Variants in PRRT3 observed in about 807,000 individuals in gnomAD.
PRRT3 encodes the protein proline rich transmembrane protein 3, also known as proline-rich transmembrane protein 3.
A neutral mutation model predicts 56.6 loss-of-function variants in PRRT3; 48 were observed. That is an observed-to-expected ratio of 0.85 (90% CI 0.67 to 1.08). The LOEUF (loss-of-function observed/expected upper bound fraction) is 1.08. PRRT3 is among the 50% of genes least tolerant of loss of function. The pLI, the probability that PRRT3 is intolerant of heterozygous loss-of-function variation, is 0.00. For synonymous variants in PRRT3, 641 were observed against 619.1 expected (o/e 1.04, Z -0.52); for missense variants, 1,370 against 1,353.1 (o/e 1.01, Z -0.20).
rs929987969 is a variant in PRRT3, at chr3:9,952,358, T to A, written c.-94A>T. The A allele has an allele frequency of 1.3e-5, 2 of 152,170 alleles. No individual in the cohort carries two copies. Among genetic ancestry groups the A allele is most frequent in the Admixed American group, 1.3e-4 (2 of 15,276 alleles). The allele number at this position is 152,170 out of a possible 1,614,324, so 9.4% of individuals were successfully genotyped here. A position where few individuals can be genotyped will look rare whatever the true frequency, so the allele number is the denominator to read the frequency against. On this transcript the variant is annotated 5_prime_UTR_variant, in exon 1 of 4. Coordinates refer to ENST00000412055, the MANE Select transcript of PRRT3 (RefSeq NM_207351.5). Reference sequence around the variant, plus strand: ...AGCCCCCGTGTTCACCTTGCGCGCGTCCCTGCAGCCGATCGCCGCGCCGCA... The same window carrying A: ...AGCCCCCGTGTTCACCTTGCGCGCGACCCTGCAGCCGATCGCCGCGCCGCA...
In PRRT3 at chr3:9,946,247, T is replaced by C. The variant is rs531100253; in HGVS notation, c.2926A>G (p.Ser976Gly). The C allele has an allele frequency of 1.1e-4, 179 of 1,612,626 alleles. No homozygotes were observed. The East Asian group carries it at 3.3e-3, about 30-fold the overall frequency. The change falls in exon 4 of 4, where the codon AGT becomes GGT. Residue 976 changes from serine to glycine, a missense_variant. Ser to Gly is a moderately conservative substitution (Grantham distance 56). Transcript: ENST00000412055. This position sits in a 1 kb window ranked among gnomAD's most constrained non-coding sequence, Gnocchi z 4.1. ...GCTCTTCAAAGCTCGATGGTATCACTGGAGGCGCTGCGGGATTCCCCAGGC... is the reference window on the plus strand; with the variant it reads ...GCTCTTCAAAGCTCGATGGTATCACCGGAGGCGCTGCGGGATTCCCCAGGC... ...GKPGESRSAS[S>G]DTIEL
Position 9,948,486 on chromosome 3 carries a change from C to T in PRRT3, c.1171+272G>A. On this transcript the variant is annotated intron_variant, in intron 3 of 3. Transcript: ENST00000412055. ...GGACTACAGGTATGCACCACCACGC[C>T]CAACTAATTTTTATATATTTTTTTT... 5.9e-6 allele frequency: 3 copies of T among 511,530 alleles called. No individual in the cohort carries two copies. In the East Asian group the frequency reaches 9.8e-5, roughly 17 times the overall value. 31.7% of individuals were successfully genotyped at this position (511,530 alleles called of 1,614,324 possible).
rs573062280 is a variant in PRRT3 at position 9,949,026 on chromosome 3, A to G, written c.1015+75T>C. 1.3e-6 allele frequency: 2 copies of G among 1,520,038 alleles called. No individual in the cohort carries two copies. The highest frequency in any genetic ancestry group is 1.4e-5 in the African/African-American group (1 of 71,858). The allele number at this position is 1,520,038 out of a possible 1,614,324, so 94.2% of individuals were successfully genotyped here. A position where few individuals can be genotyped will look rare whatever the true frequency, so the allele number is the denominator to read the frequency against. On this transcript the variant is annotated intron_variant, in intron 2 of 3. Transcript: ENST00000412055. The surrounding 1 kb of genome is among the most constrained non-coding windows in gnomAD (Gnocchi z 4.5). ...CCACAAAGAGGAAAATGAGACCTAGAGGGACCCAGGGTCAAACAGAATTGA... is the reference window on the plus strand; with the variant it reads ...CCACAAAGAGGAAAATGAGACCTAGGGGGACCCAGGGTCAAACAGAATTGA...
Position 9,946,532 on chromosome 3 carries a change from G to A in PRRT3, c.2641C>T (p.Arg881Cys), listed in dbSNP as rs1222058094. The stretch of plus-strand genomic sequence containing the variant: ...ACTACGTGCTGTGGGACCGGCCCGC[G>A]CACGCGCACGTCGCTGAGCGACCTG... ...RCRSLSDVRVRGPVPQHVVEA... is the reference protein window; with the variant it reads ...RCRSLSDVRVCGPVPQHVVEA... The change falls in exon 4 of 4, where the codon CGC becomes TGC. Residue 881 changes from arginine (R) to cysteine (C), a missense_variant. Arg to Cys is a radical substitution (Grantham distance 180). Transcript: ENST00000412055. The surrounding 1 kb of genome is among the most constrained non-coding windows in gnomAD (Gnocchi z 4.1). 1.4e-6 allele frequency: 2 copies of A among 1,467,134 alleles called. No individual in the cohort carries two copies. The highest frequency in any genetic ancestry group is 1.5e-5 in the African/African-American group (1 of 68,214). The allele number at this position is 1,467,134 out of a possible 1,614,324, so 90.9% of individuals were successfully genotyped here. A position where few individuals can be genotyped will look rare whatever the true frequency, so the allele number is the denominator to read the frequency against.
chr3:9,951,181 G>A (rs137881660), intron 1 of PRRT3, among the ~76,000 whole-genome samples: 1,772 of 152,236 alleles, frequency 0.012, 30 homozygotes, highest in Non-Finnish European at 0.018. Context: ...GCCCCACGTG[G>A]ATATCCCCTA....
chr3:9,948,115 G>A (rs992331063), intron 3 of PRRT3, 114 bp from the exon 4 acceptor site: 4 of 1,140,954 alleles, frequency 3.5e-6, no homozygotes, highest in African/African-American at 3.2e-5. Context: ...GCAAAATGGA[G>A]ATAACAGCAC....
Position 9,946,331 on chromosome 3 carries a change from G to C in PRRT3, c.2842C>G (p.Pro948Ala). ...CCCTGCCGAGCGGCGGTAGAATCAGGGGCTGGGGTCGGGGCAGGCAGTAGC... is the reference window on the plus strand; with the variant it reads ...CCCTGCCGAGCGGCGGTAGAATCAGCGGCTGGGGTCGGGGCAGGCAGTAGC... ...VQLLPAPTPAPDSTAARQGDG... is the reference protein window; with the variant it reads ...VQLLPAPTPAADSTAARQGDG... The change falls in exon 4 of 4, where the codon CCT becomes GCT. Residue 948 changes from proline to alanine, a missense_variant. Coordinates refer to ENST00000412055, the MANE Select transcript of PRRT3 (RefSeq NM_207351.5). The surrounding 1 kb of genome is among the most constrained non-coding windows in gnomAD (Gnocchi z 4.1). The C allele has an allele frequency of 6.2e-7, 1 of 1,612,514 alleles. No individual in the cohort carries two copies. Among genetic ancestry groups the C allele is most frequent in the East Asian group, 2.2e-5 (1 of 44,836 alleles).
chr3:9,947,096 G>T lies in PRRT3; in HGVS notation c.2077C>A (p.Leu693Met). ...GCGGCAGCCACCGCGGCCAACGCCA[G>T]GGCGAGCGCCCATGTCAGCTCCAGG... is the stretch of plus-strand genomic sequence containing the variant. The part of the protein sequence containing the change: ...RLLELTWALA[L>M]ALAAVAAARP... Residue 693 changes from leucine to methionine, a missense_variant, in exon 4 of 4, where the codon CTG becomes ATG. Physicochemically the swap from Leu to Met is conservative, Grantham distance 15. Transcript: ENST00000412055. The surrounding 1 kb of genome is among the most constrained non-coding windows in gnomAD (Gnocchi z 9.2). 6.5e-7 allele frequency: 1 copy of T among 1,536,512 alleles called. No individual in the cohort carries two copies.
chr3:9,947,683 G>A lies in PRRT3; in HGVS notation c.1490C>T (p.Pro497Leu). 6.4e-7 allele frequency: 1 copy of A among 1,568,152 alleles called. No individual in the cohort carries two copies. Residue 497 changes from proline to leucine, a missense_variant, in exon 4 of 4, where the codon CCA (proline) becomes CTA (leucine). Transcript: ENST00000412055. The surrounding 1 kb of genome is among the most constrained non-coding windows in gnomAD (Gnocchi z 9.2). ...LLALAALAAA[P>L]AGPRLALVAA... is the part of the protein sequence containing the mutation. ...CACCAATGCCAGCCGGGGCCCTGCTGGGGCGGCTGCCAGCGCAGCCAGCGC... is the reference window on the plus strand; with the variant it reads ...CACCAATGCCAGCCGGGGCCCTGCTAGGGCGGCTGCCAGCGCAGCCAGCGC...
At position 9,949,213 on chromosome 3, in the gene PRRT3, G is replaced by A; in HGVS notation, c.903C>T (p.Ser301=). The A allele has an allele frequency of 6.2e-7, 1 of 1,607,936 alleles. No individual in the cohort carries two copies. The highest frequency in any genetic ancestry group is 8.5e-7 in the Non-Finnish European group (1 of 1,177,346). The change falls in exon 2 of 4, where the codon AGC becomes AGT. Residue 301 remains serine, a synonymous_variant. Transcript: ENST00000412055. The surrounding 1 kb of genome is among the most constrained non-coding windows in gnomAD (Gnocchi z 4.5). ...RAGAEVSWEV[S]SPGPPPKQAD... is the part of the protein sequence containing the mutation. Reference sequence around the variant, plus strand: ...CCTGCTTGGGCGGGGGACCTGGGGAGCTGACTTCCCAGGACACCTCAGCGC... The same window carrying A: ...CCTGCTTGGGCGGGGGACCTGGGGAACTGACTTCCCAGGACACCTCAGCGC...
At position 9,949,133 on chromosome 3, in the gene PRRT3, G is replaced by T. The variant is rs2085577479; in HGVS notation, c.983C>A (p.Ala328Asp). ...AGACGGCCGATCAGGAGCCTCTGAGGCGGGTGGATCCGTGGGCTGGGGTCC... is the reference window on the plus strand; with the variant it reads ...AGACGGCCGATCAGGAGCCTCTGAGTCGGGTGGATCCGTGGGCTGGGGTCC... ...SPGPQPTDPP[A>D]SEAPDRPSKP... The change falls in exon 2 of 4, where the codon GCC (alanine) becomes GAC (aspartate). Residue 328 changes from alanine to aspartate, a missense_variant. Ala to Asp is a moderately radical substitution (Grantham distance 126). Transcript: ENST00000412055. The surrounding 1 kb of genome is among the most constrained non-coding windows in gnomAD (Gnocchi z 4.5). 1.2e-6 allele frequency: 2 copies of T among 1,610,682 alleles called. No homozygotes were observed. The highest frequency in any genetic ancestry group is 2.7e-5 in the African/African-American group (2 of 74,858).
Position 9,947,642 on chromosome 3 carries a change from G to T in PRRT3, c.1531C>A (p.Leu511Ile). 6.4e-7 allele frequency: 1 copy of T among 1,573,642 alleles called. No homozygotes were observed. Among genetic ancestry groups the T allele is most frequent in the Non-Finnish European group, 8.6e-7 (1 of 1,160,372 alleles). ...GCGGATCGCAGCGCCGAAGCCACGA[G>T]CACCAGCACCGCGGCCACCAATGCC... is the stretch of plus-strand genomic sequence containing the variant. ...RLALVAAVLV[L>I]VASALRSAYM... Residue 511 changes from leucine (L) to isoleucine (I), a missense_variant, in exon 4 of 4, where the codon CTC (leucine) becomes ATC (isoleucine). Leu to Ile is a conservative substitution (Grantham distance 5). Coordinates refer to ENST00000412055, the MANE Select transcript of PRRT3 (RefSeq NM_207351.5). The surrounding 1 kb of genome is among the most constrained non-coding windows in gnomAD (Gnocchi z 9.2).
chr3:9,948,482 A>G (rs1396002470), intron 3 of PRRT3: 5 of 511,532 alleles, frequency 9.8e-6, no homozygotes, highest in African/African-American at 5.9e-5. Flanking sequence ...ATGCACCACC[A>G]CGCCCAACTA....
chr3:9,950,032 C>T lies in PRRT3; in HGVS notation c.84G>A (p.Arg28=), dbSNP rs1328411129. The part of the protein sequence containing the change: ...PLLGTGPALG[R]GFPRPLENSE... Reference sequence around the variant, plus strand: ...AGTTTTCAAGTGGCCTGGGAAAGCCCCTCCCCAGGGCAGGGCCAGTCCCCA... The same window carrying T: ...AGTTTTCAAGTGGCCTGGGAAAGCCTCTCCCCAGGGCAGGGCCAGTCCCCA... The change falls in exon 2 of 4, where the codon AGG becomes AGA. Residue 28 remains arginine, a synonymous_variant. Coordinates refer to ENST00000412055, the MANE Select transcript of PRRT3 (RefSeq NM_207351.5). 6.6e-7 allele frequency: 1 copy of T among 1,524,220 alleles called. No individual in the cohort carries two copies. Among genetic ancestry groups the T allele is most frequent in the South Asian group, 1.3e-5 (1 of 74,592 alleles). 94.4% of individuals were successfully genotyped at this position (1,524,220 alleles called of 1,614,324 possible).
chr3:9,947,210 G>A lies in PRRT3; in HGVS notation c.1963C>T (p.Leu655=), dbSNP rs1317375359. The A allele has an allele frequency of 1.3e-6, 2 of 1,515,360 alleles. No individual in the cohort carries two copies. The highest frequency in any genetic ancestry group is 2.8e-5 in the African/African-American group (2 of 70,650). The allele number at this position is 1,515,360 out of a possible 1,614,324, so 93.9% of individuals were successfully genotyped here. The change falls in exon 4 of 4, where the codon CTG becomes TTG. Residue 655 remains leucine, a synonymous_variant. Coordinates refer to ENST00000412055, the MANE Select transcript of PRRT3 (RefSeq NM_207351.5). This position sits in a 1 kb window ranked among gnomAD's most constrained non-coding sequence, Gnocchi z 9.2. The stretch of plus-strand genomic sequence containing the variant: ...GGGTACAGCCAGAGCGCAGCCGCCA[G>A]CTGCAAGCCGCTAGCCAGCAGCCCC... ...ALGLLASGLQ[L]AAALWLYPGP...
intron 1 of PRRT3, among the ~76,000 whole-genome samples, chr3:9,950,502 CT>C (rs1003206006): frequency 3.9e-4 from 59 of 151,130 alleles, no homozygotes; most frequent in Admixed American, 2.8e-3. Flanking sequence ...CCTTCACTTA[CT>C]GAAATCCTGT....
chr3:9,947,837 C>T lies in PRRT3; in HGVS notation c.1336G>A (p.Ala446Thr). 7.0e-7 allele frequency: 1 copy of T among 1,437,404 alleles called. No individual in the cohort carries two copies. Among genetic ancestry groups the T allele is most frequent in the South Asian group, 1.5e-5 (1 of 66,604 alleles). The allele number at this position is 1,437,404 out of a possible 1,614,324, so 89.0% of individuals were successfully genotyped here. ...GTGGCGTTGGCTGGGGGGCTGGAGGCTGGGGCTGAAGCCATGGAGCTGGCG... is the reference window on the plus strand; with the variant it reads ...GTGGCGTTGGCTGGGGGGCTGGAGGTTGGGGCTGAAGCCATGGAGCTGGCG... ...PTASSMASAP[A>T]SSPPANATAP... Residue 446 changes from alanine to threonine, a missense_variant, in exon 4 of 4, where the codon GCC (alanine) becomes ACC (threonine). Physicochemically the swap from Ala to Thr is moderately conservative, Grantham distance 58. Transcript: ENST00000412055. This position sits in a 1 kb window ranked among gnomAD's most constrained non-coding sequence, Gnocchi z 9.2.
rs1285078002 is a variant in PRRT3, at chr3:9,947,994, G to A, written c.1179C>T (p.Ala393=). ...SPMGALQPDE[A]EEWPGRPQSH... is the part of the protein sequence containing the mutation. ...TTTGGGGGCGCCCCGGCCACTCCTC[G>A]GCTTCATCTGCAATTATAACAATAT... The change falls in exon 4 of 4, where the codon GCC becomes GCT. Residue 393 remains alanine (A), a synonymous_variant. Transcript: ENST00000412055. The surrounding 1 kb of genome is among the most constrained non-coding windows in gnomAD (Gnocchi z 9.2). The A allele has an allele frequency of 1.5e-6, 2 of 1,342,592 alleles. No homozygotes were observed. The highest frequency in any genetic ancestry group is 2.8e-5 in the East Asian group (1 of 35,490). 83.2% of individuals were successfully genotyped at this position (1,342,592 alleles called of 1,614,324 possible). A position where few individuals can be genotyped will look rare whatever the true frequency, so the allele number is the denominator to read the frequency against.
Position 9,947,748 on chromosome 3 carries a change from G to A in PRRT3, c.1425C>T (p.Val475=). 4 of 1,528,208 alleles carry A rather than the reference G, an allele frequency of 2.6e-6. No homozygotes were observed. The highest frequency in any genetic ancestry group is 2.6e-5 in the South Asian group (2 of 77,800). 94.7% of individuals were successfully genotyped at this position (1,528,208 alleles called of 1,614,324 possible). The change falls in exon 4 of 4, where the codon GTC becomes GTT. Residue 475 remains valine (V), a synonymous_variant. Coordinates refer to ENST00000412055, the MANE Select transcript of PRRT3 (RefSeq NM_207351.5). The surrounding 1 kb of genome is among the most constrained non-coding windows in gnomAD (Gnocchi z 9.2). Reference sequence around the variant, plus strand: ...GCAGAAAGAGTACCCCCACCCCGTAGACGTGCAGCTCCCAGGAGAAGCTCA... The same window carrying A: ...GCAGAAAGAGTACCCCCACCCCGTAAACGTGCAGCTCCCAGGAGAAGCTCA... ...RVLSFSWELH[V]YGVGVLFLLP...
Sources: gnomAD v4.1 joint callset for allele counts (sites outside exome capture counted in the v4.1 genomes callset) on GRCh38, gnomAD v4.1.1 for gene constraint, Gnocchi (gnomAD v3.1) non-coding constraint, MANE v1.5 for transcripts, NCBI Gene and HGNC (gene_info 2026-07-23, HGNC 2026-07-21) for gene names.